The following CLCN5 variants were observed in gnomAD, a reference collection of about 807,000 sequenced individuals.
CLCN5 encodes Cl-/H+ antiporter 5, also known as H(+)/Cl(-) exchange transporter 5.
Under a neutral mutation model 54.0 loss-of-function variants are expected in CLCN5, and 17 were observed. The observed-to-expected ratio is 0.31, with a 90% CI of 0.22 to 0.47. The LOEUF (loss-of-function observed/expected upper bound fraction) is 0.47. Among genes scored for constraint, CLCN5 ranks in the 20% least tolerant of loss-of-function variants. The pLI is 1.00. For missense variants in CLCN5, 448 were observed against 646.7 expected, an observed-to-expected ratio of 0.69 and a Z score of 3.33; for synonymous variants, 222 against 233.0, an observed-to-expected ratio of 0.95 and a Z score of 0.43.
intron 4 of CLCN5, among the ~76,000 whole-genome samples, chrX:50,043,873 C>T (rs1932307231): frequency 8.9e-6 from 1 of 111,930 alleles, no homozygotes; most frequent in South Asian, 3.7e-4. Flanking sequence ...TACTTTAAAA[C>T]TCTGTCTGGT....
Position 50,090,459 on chromosome X carries a change from G to A in CLCN5, c.2088G>A (p.Arg696=). 1 of 1,209,407 alleles carries A rather than the reference G, an allele frequency of 8.3e-7. No individual in the cohort carries two copies. The highest frequency in any genetic ancestry group is 1.1e-6 in the Non-Finnish European group (1 of 894,360). Residue 696 remains arginine, a synonymous_variant, in exon 13 of 15, where the codon CGG becomes CGA. Coordinates refer to ENST00000376091, the MANE Select transcript of CLCN5 (RefSeq NM_001127898.4). ...TYSGFPVVVS[R]ESQRLVGFVL... is the part of the protein sequence containing the mutation. Reference sequence around the variant, plus strand: ...GTGGCTTCCCAGTGGTGGTATCCCGGGAGTCCCAAAGACTTGTGGGCTTTG... The same window carrying A: ...GTGGCTTCCCAGTGGTGGTATCCCGAGAGTCCCAAAGACTTGTGGGCTTTG...
chrX:50,081,814 C>G lies in CLCN5; in HGVS notation c.900C>G (p.Asn300Lys). Residue 300 changes from asparagine to lysine, a missense_variant, in exon 9 of 15, where the codon AAC becomes AAG. By Grantham distance (94) the Asn-to-Lys change is moderately conservative. This residue lies in a region of CLCN5 where 297 missense variants were observed against 470.4 expected (regional missense o/e 0.63). Transcript: ENST00000376091. ...GGAACATCCTGTGCCACTGCTTCAA[C>G]AAATACAGGAAGAATGAAGCCAAGC... ...CCGNILCHCFNKYRKNEAKRR... is the reference protein window; with the variant it reads ...CCGNILCHCFKKYRKNEAKRR... 1.7e-6 allele frequency: 2 copies of G among 1,210,955 alleles called. No homozygotes were observed. The highest frequency in any genetic ancestry group is 2.2e-6 in the Non-Finnish European group (2 of 895,062).
chrX:50,066,300 C>A (rs1253202497), intron 4 of CLCN5, among the ~76,000 whole-genome samples: 1 of 109,813 alleles, frequency 9.1e-6, no homozygotes, highest in East Asian at 2.8e-4. Context: ...GTTGCCACTT[C>A]ATTTTCAATC....
At chrX:49,986,719 A>G (rs1929009525) in intron 3 of CLCN5, among the ~76,000 whole-genome samples, 2 of 112,138 alleles carry the variant, frequency 1.8e-5, no homozygotes, top group African/African-American at 3.2e-5. Flanking sequence ...GAAAATTCTT[A>G]GGAATCTACC....
rs188634738 is a variant in CLCN5, at chrX:49,957,450, T to C, written c.16+32136T>C. On this transcript the variant is annotated intron_variant, in intron 3 of 14. Coordinates refer to ENST00000376091, the MANE Select transcript of CLCN5 (RefSeq NM_001127898.4). ...TTTAAAACTTGCATCCACTTATTTT[T>C]TCACTAGATAATTTTTGAGTCTTCT... Among the ~76,000 whole-genome samples the C allele has an allele frequency of 1.2e-3, 139 of 112,481 alleles. 1 individual carries two copies. Among genetic ancestry groups the C allele is most frequent in the Non-Finnish European group, 2.8e-4 (15 of 53,295 alleles).
At chrX:49,923,185 G>T (rs1161371295) in intron 1 of CLCN5, among the ~76,000 whole-genome samples, 1 of 113,251 alleles carries the variant, frequency 8.8e-6, no homozygotes, top group African/African-American at 3.2e-5. Flanking sequence ...CCGAGGCCCG[G>T]CTCTTCTCCC....
intron 3 of CLCN5, among the ~76,000 whole-genome samples, chrX:50,040,588 G>A (rs890681808): frequency 8.9e-6 from 1 of 112,026 alleles, no homozygotes; most frequent in Non-Finnish European, 1.9e-5. Flanking sequence ...ATGCGGTACA[G>A]TGTGATGTTT....
At chrX:50,004,068 G>T (rs1285261617) in intron 3 of CLCN5, among the ~76,000 whole-genome samples, 1 of 111,994 alleles carries the variant, frequency 8.9e-6, no homozygotes, top group African/African-American at 3.2e-5. Context: ...TGCTCAAGAG[G>T]GTGTGTGAAG....
At chrX:50,046,393 T>C (rs1328443980) in intron 4 of CLCN5, among the ~76,000 whole-genome samples, 12 of 112,341 alleles carry the variant, frequency 1.1e-4, no homozygotes, top group African/African-American at 3.9e-4. Context: ...TTCTACCTAG[T>C]GTGCCTTGCT....
chrX:49,987,906 A>G (rs1929059015), intron 3 of CLCN5, among the ~76,000 whole-genome samples: 1 of 111,603 alleles, frequency 9.0e-6, no homozygotes, highest in African/African-American at 3.3e-5. Flanking sequence ...GAAATGTGAT[A>G]GATTCATTTG....
intron 3 of CLCN5, among the ~76,000 whole-genome samples, chrX:49,992,336 A>G (rs1337828223): frequency 9.3e-6 from 1 of 107,298 alleles, no homozygotes; most frequent in Non-Finnish European, 1.9e-5. Flanking sequence ...ATGCAGTTTC[A>G]TGTCCTACCC....
chrX:50,038,486 T>C (rs1007316985), intron 3 of CLCN5, among the ~76,000 whole-genome samples: 5 of 111,706 alleles, frequency 4.5e-5, no homozygotes, highest in Non-Finnish European at 7.5e-5. Context: ...TCTGATATTA[T>C]TGTCAAAGAT....
At chrX:50,077,621 AGTGTGT>A (rs34262397) in intron 7 of CLCN5, among the ~76,000 whole-genome samples, 95 of 78,686 alleles carry the variant, frequency 1.2e-3, no homozygotes, top group African/African-American at 4.6e-3. Flanking sequence ...AGAGAGAGAG[AGTGTGT>A]GTGTGTGTGT....
chrX:50,082,882 A>G (rs187226199), intron 9 of CLCN5, among the ~76,000 whole-genome samples: 1 of 111,096 alleles, frequency 9.0e-6, no homozygotes, highest in East Asian at 2.8e-4. Context: ...TTCTCTCTGT[A>G]TTGGACCTCT....
intron 4 of CLCN5, among the ~76,000 whole-genome samples, chrX:50,053,899 G>A (rs1932664906): frequency 9.1e-6 from 1 of 110,389 alleles, no homozygotes; most frequent in East Asian, 2.8e-4. Context: ...GACTTGGGCT[G>A]TATTTCATGT....
At chrX:50,077,710 G>A (rs1409785320) in intron 7 of CLCN5, among the ~76,000 whole-genome samples, 1 of 98,315 alleles carries the variant, frequency 1.0e-5, no homozygotes, top group Non-Finnish European at 2.0e-5. Context: ...GGCCAGGCGC[G>A]GTGGCCTGTA....
intron 3 of CLCN5, among the ~76,000 whole-genome samples, chrX:50,037,078 G>C (rs1430341882): frequency 2.7e-5 from 3 of 111,958 alleles, no homozygotes; most frequent in Non-Finnish European, 3.8e-5. Flanking sequence ...GATTTGTCTT[G>C]TTTGGATTTT....
At chrX:49,929,801 G>T (rs1221532347) in intron 3 of CLCN5, among the ~76,000 whole-genome samples, 1 of 103,090 alleles carries the variant, frequency 9.7e-6, no homozygotes. Flanking sequence ...TTTGGAGAAG[G>T]CGATGATAAA....
At chrX:50,060,711 GACAA>G (rs1294481014) in intron 4 of CLCN5, among the ~76,000 whole-genome samples, 3 of 112,189 alleles carry the variant, frequency 2.7e-5, no homozygotes, top group African/African-American at 9.8e-5. Flanking sequence ...GCAGGGCACA[GACAA>G]ACAAAAAGAT....
Sources: gnomAD v4.1 joint callset for allele counts (sites outside exome capture counted in the v4.1 genomes callset) on GRCh38, gnomAD v4.1.1 for gene constraint, gnomAD v4.1.1 regional missense constraint, MANE v1.5 for transcripts, NCBI Gene and HGNC (gene_info 2026-07-23, HGNC 2026-07-21) for gene names.